SYT1: variants seen among roughly 807,000 people sequenced by gnomAD.
The protein encoded by SYT1 is synaptotagmin-1.
A neutral mutation model predicts 44.8 loss-of-function variants in SYT1; 8 were observed. The observed-to-expected ratio is 0.18, with a 90% CI of 0.10 to 0.32. The LOEUF (loss-of-function observed/expected upper bound fraction) is 0.32. Among genes scored for constraint, SYT1 ranks in the 10% least tolerant of loss-of-function variants. The pLI, the probability that SYT1 is intolerant of heterozygous loss-of-function variation, is 1.00. For synonymous variants in SYT1, 154 were observed against 188.8 expected, an observed-to-expected ratio of 0.82 and a Z score of 1.51; for missense variants, 286 against 509.3, an observed-to-expected ratio of 0.56 and a Z score of 4.22.
chr12:79,000,836 C>G (rs957976655), intron 2 of SYT1, among the ~76,000 whole-genome samples: 2 of 152,026 alleles, frequency 1.3e-5, no homozygotes, highest in East Asian at 3.9e-4. Flanking sequence ...AGTGGTTTAC[C>G]TTTTAACATC....
At chr12:79,140,642 A>C (rs1249315020) in intron 3 of SYT1, among the ~76,000 whole-genome samples, 50 of 152,156 alleles carry the variant, frequency 3.3e-4, no homozygotes, top group Non-Finnish European at 2.9e-5. Flanking sequence ...TCAGCACCTC[A>C]TTGCATCTGG....
chr12:79,021,965 T>G (rs563126970), intron 2 of SYT1, among the ~76,000 whole-genome samples: 3 of 151,838 alleles, frequency 2.0e-5, no homozygotes, highest in East Asian at 3.9e-4. Context: ...AAGTTAGCTA[T>G]AAAAATTTCT....
chr12:79,373,268 G>GT (rs1468175013), intron 9 of SYT1, among the ~76,000 whole-genome samples: 1 of 152,130 alleles, frequency 6.6e-6, no homozygotes, highest in Non-Finnish European at 1.5e-5. Context: ...TGTTGATGAT[G>GT]TTCACCTATC....
intron 1 of SYT1, among the ~76,000 whole-genome samples, chr12:78,871,137 A>G (rs1395345343): frequency 6.6e-6 from 1 of 152,006 alleles, no homozygotes; most frequent in African/African-American, 2.4e-5. Context: ...TTCAAAATCC[A>G]TCTGTGTCTG....
At chr12:78,985,728 A>C (rs531891481) in intron 2 of SYT1, among the ~76,000 whole-genome samples, 1 of 152,116 alleles carries the variant, frequency 6.6e-6, no homozygotes, top group East Asian at 1.9e-4. Context: ...TTCATAATTT[A>C]GTGTCTAGAA....
At chr12:79,426,168 CT>C (rs896521324) in intron 9 of SYT1, among the ~76,000 whole-genome samples, 41 of 152,124 alleles carry the variant, frequency 2.7e-4, no homozygotes, top group African/African-American at 9.9e-4. Context: ...AATCAGAACT[CT>C]GACTCTGCCC....
chr12:79,071,047 G>C (rs1001440919), intron 3 of SYT1, among the ~76,000 whole-genome samples: 1 of 151,968 alleles, frequency 6.6e-6, no homozygotes, highest in Admixed American at 6.6e-5. Flanking sequence ...TAAAGGAAGA[G>C]GGTTCTGCCC....
intron 2 of SYT1, among the ~76,000 whole-genome samples, chr12:78,996,165 C>T (rs1052775437): frequency 6.6e-6 from 1 of 152,176 alleles, no homozygotes; most frequent in Non-Finnish European, 1.5e-5. Flanking sequence ...AGATCTCTGT[C>T]AGCTTTTGCT....
intron 1 of SYT1, among the ~76,000 whole-genome samples, chr12:78,927,695 T>G (rs1229110124): frequency 6.6e-6 from 1 of 152,188 alleles, no homozygotes; most frequent in Non-Finnish European, 1.5e-5. Flanking sequence ...AGCTTTTCCA[T>G]GTTTATTGCA....
Position 79,285,926 on chromosome 12 carries a change from T to C in SYT1, c.306T>C (p.Ile102=). The C allele has an allele frequency of 6.2e-7, 1 of 1,613,396 alleles. No homozygotes were observed. The highest frequency in any genetic ancestry group is 8.5e-7 in the Non-Finnish European group (1 of 1,179,842). ...KGKEKGGKNA[I]NMKDVKDLGK... is the part of the protein sequence containing the mutation. ...AGGAAAAAGGAGGGAAGAATGCCAT[T>C]AACATGAAAGATGTAAAAGACTTAG... Residue 102 remains isoleucine (I), a synonymous_variant, in exon 5 of 11, where the codon ATT becomes ATC. Coordinates refer to ENST00000261205, the MANE Select transcript of SYT1 (RefSeq NM_005639.3).
chr12:79,030,392 T>A (rs1872758868), intron 2 of SYT1, among the ~76,000 whole-genome samples: 1 of 151,062 alleles, frequency 6.6e-6, no homozygotes, highest in African/African-American at 2.4e-5. Flanking sequence ...TTCCCAGTGC[T>A]TTTCTCCCTC....
intron 4 of SYT1, among the ~76,000 whole-genome samples, chr12:79,218,384 C>T (rs565512966): frequency 1.3e-5 from 2 of 152,260 alleles, no homozygotes; most frequent in African/African-American, 2.4e-5. Context: ...ATGCATATGT[C>T]AGTTAGCAGG....
chr12:78,945,266 T>C (rs920740646), intron 1 of SYT1, among the ~76,000 whole-genome samples: 1 of 151,966 alleles, frequency 6.6e-6, no homozygotes, highest in African/African-American at 2.4e-5. Flanking sequence ...CTTAACTTGA[T>C]TTTTTTTCTT....
At chr12:79,203,175 C>T (rs116686097) in intron 3 of SYT1, among the ~76,000 whole-genome samples, 347 of 152,186 alleles carry the variant, frequency 2.3e-3, no homozygotes, top group African/African-American at 7.9e-3. Context: ...TGAATCAAAC[C>T]GTAAGGGAAA....
chr12:79,089,241 T>C (rs1057347830), intron 3 of SYT1, among the ~76,000 whole-genome samples: 1 of 151,966 alleles, frequency 6.6e-6, no homozygotes, highest in African/African-American at 2.4e-5. Context: ...ACAGAAACAA[T>C]CAGGGTTTAG....
intron 3 of SYT1, among the ~76,000 whole-genome samples, chr12:79,121,369 G>A (rs1214687174): frequency 6.6e-6 from 1 of 152,162 alleles, no homozygotes; most frequent in Non-Finnish European, 1.5e-5. Context: ...AAGGGTGAAA[G>A]TTTTCTTTGT....
chr12:79,417,738 G>A (rs571040965), intron 9 of SYT1, among the ~76,000 whole-genome samples: 1 of 152,118 alleles, frequency 6.6e-6, no homozygotes, highest in East Asian at 1.9e-4. Context: ...TTCACACAGG[G>A]GAGGTTTTGT....
chr12:79,044,374 A>G (rs1427949036), intron 2 of SYT1, among the ~76,000 whole-genome samples: 3 of 151,560 alleles, frequency 2.0e-5, no homozygotes, highest in Non-Finnish European at 4.4e-5. Context: ...CATTTCATTC[A>G]TTTCATCTTC....
intron 3 of SYT1, among the ~76,000 whole-genome samples, chr12:79,129,413 C>G (rs1868660823): frequency 6.6e-6 from 1 of 152,090 alleles, no homozygotes; most frequent in South Asian, 2.1e-4. Flanking sequence ...TCAATAGACC[C>G]ATAAAACTTT....
Sources: gnomAD v4.1 joint callset for allele counts (sites outside exome capture counted in the v4.1 genomes callset) on GRCh38, gnomAD v4.1.1 for gene constraint, MANE v1.5 for transcripts, NCBI Gene and HGNC (gene_info 2026-07-23, HGNC 2026-07-21) for gene names.